Variants in EYA2 observed in about 807,000 individuals in gnomAD.
The protein encoded by EYA2 is EYA transcriptional coactivator and phosphatase 2.
A neutral mutation model predicts 69.2 loss-of-function variants in EYA2; 31 were observed. The ratio of observed to expected loss-of-function variants is 0.45; its 90% confidence interval spans 0.34 to 0.60. The LOEUF (loss-of-function observed/expected upper bound fraction) is 0.60, where lower values mean the gene tolerates loss of function less well. Ranked by LOEUF, EYA2 falls within the 20% of genes least tolerant of loss-of-function variation. EYA2 has a pLI of 0.02. For missense variants in EYA2, 622 were observed against 701.2 expected (o/e 0.89, Z 1.28); for synonymous variants, 257 against 279.4 (o/e 0.92, Z 0.80).
chr20:46,920,121 G>A (rs1219679859), intron 1 of EYA2, among the ~76,000 whole-genome samples: 1 of 151,846 alleles, frequency 6.6e-6, no homozygotes, highest in Non-Finnish European at 1.5e-5. Flanking sequence ...AGATATAATA[G>A]CAATGAAAAA....
chr20:47,088,660 T>C (rs1217714496), intron 7 of EYA2, among the ~76,000 whole-genome samples: 1 of 152,132 alleles, frequency 6.6e-6, no homozygotes, highest in Non-Finnish European at 1.5e-5. Context: ...CTATCATAGC[T>C]CACTGCAACC....
chr20:47,089,194 C>G, intron 7 of EYA2, 45 bp from the exon 8 acceptor site: 1 of 1,601,542 alleles, frequency 6.2e-7, no homozygotes, highest in Non-Finnish European at 8.5e-7. Flanking sequence ...GAGGAGACAC[C>G]CAGCAAAGCT....
intron 5 of EYA2, among the ~76,000 whole-genome samples, chr20:47,059,970 A>G (rs944570688): frequency 6.6e-6 from 1 of 152,184 alleles, no homozygotes; most frequent in Admixed American, 6.5e-5. Flanking sequence ...TCTACACTAC[A>G]AACACAGTTT....
Position 47,074,150 on chromosome 20 carries a change from CT to C in EYA2, c.484-6del. ...ACATATGTCCTTGGTTTGTTTTTCT[CT>C]TCCCAGGACTATCCTTCCTACCCCG... is the stretch of plus-strand genomic sequence containing the variant. On this transcript the variant is annotated splice_polypyrimidine_tract_variant and splice_region_variant and intron_variant, in intron 6 of 15. Transcript: ENST00000327619. 2 of 1,589,270 alleles carry C rather than the reference CT, an allele frequency of 1.3e-6. No individual in the cohort carries two copies. The highest frequency in any genetic ancestry group is 4.6e-5 in the East Asian group (2 of 43,938).
At chr20:47,136,886 C>G (rs1040019426) in intron 9 of EYA2, among the ~76,000 whole-genome samples, 2 of 152,168 alleles carry the variant, frequency 1.3e-5, no homozygotes, top group African/African-American at 4.8e-5. Flanking sequence ...CAGAGCCCAC[C>G]ACACCATCAT....
chr20:47,028,795 G>A (rs1467501111), intron 5 of EYA2, among the ~76,000 whole-genome samples: 4 of 152,220 alleles, frequency 2.6e-5, no homozygotes. Context: ...GATGCCTCAT[G>A]AGCCAGCCCA....
chr20:47,150,898 C>T (rs889861772), intron 10 of EYA2, among the ~76,000 whole-genome samples: 3 of 151,946 alleles, frequency 2.0e-5, no homozygotes, highest in African/African-American at 7.2e-5. Flanking sequence ...GGCAAGGGAG[C>T]CTGGGAAATG....
At chr20:47,057,781 G>A (rs1164185262) in intron 5 of EYA2, among the ~76,000 whole-genome samples, 1 of 151,774 alleles carries the variant, frequency 6.6e-6, no homozygotes, top group Non-Finnish European at 1.5e-5. Flanking sequence ...GTGACCATGA[G>A]TTCACTGTAG....
chr20:46,997,909 TC>T (rs760375049), intron 2 of EYA2: 2 of 152,244 alleles, frequency 1.3e-5, no homozygotes, highest in Non-Finnish European at 2.9e-5. Context: ...CATCATTCTG[TC>T]CCTTGTGCTG....
At position 47,173,531 on chromosome 20, in the gene EYA2, AAC is replaced by A. The variant is rs1208095807; in HGVS notation, c.1198+665_1198+666del. On this transcript the variant is annotated intron_variant, in intron 12 of 15. Coordinates refer to ENST00000327619, the MANE Select transcript of EYA2 (RefSeq NM_005244.5). ...CCGTAAAAAAAAAAAAAAAAAAAAA[AAC>A]GTGCAGGGTCTCAGGCCTCATCCTG... is the stretch of plus-strand genomic sequence containing the variant. Among the ~76,000 whole-genome samples the A allele has an allele frequency of 2.1e-3, 317 of 148,958 alleles. 8 individuals carry two copies. The highest frequency in any genetic ancestry group is 7.0e-3 in the African/African-American group (283 of 40,144).
intron 1 of EYA2, among the ~76,000 whole-genome samples, chr20:46,916,370 G>A (rs1984903540): frequency 6.6e-6 from 1 of 152,070 alleles, no homozygotes; most frequent in South Asian, 2.1e-4. Context: ...GGTGTGCATG[G>A]ACAAGTATGC....
At position 46,904,100 on chromosome 20, in the gene EYA2, G is replaced by A. The variant is rs1448238382; in HGVS notation, c.-11+9113G>A. On this transcript the variant is annotated intron_variant, in intron 1 of 15. Transcript: ENST00000327619. ...ACTCAGACAGATCTGGCCTGAGCCT[G>A]AGTCAGTCCATCACTCACGGACTGC... 5.3e-5 allele frequency among the ~76,000 whole-genome samples: 8 copies of A among 152,290 alleles called. No individual in the cohort carries two copies. In the East Asian group the frequency reaches 1.5e-3, roughly 29 times the overall value.
chr20:47,103,282 C>T (rs2032477338), intron 9 of EYA2, among the ~76,000 whole-genome samples: 1 of 150,976 alleles, frequency 6.6e-6, no homozygotes. Flanking sequence ...CCCCCTGGCC[C>T]CTGACAACCA....
At chr20:47,183,831 G>A (rs1030776663) in intron 15 of EYA2, among the ~76,000 whole-genome samples, 1 of 152,160 alleles carries the variant, frequency 6.6e-6, no homozygotes. Context: ...GGGGGTTCTG[G>A]TGGCCACATC....
intron 9 of EYA2, among the ~76,000 whole-genome samples, chr20:47,115,054 A>G (rs999750848): frequency 1.6e-4 from 25 of 152,356 alleles, no homozygotes; most frequent in African/African-American, 5.3e-4. Context: ...CTTTATAGCA[A>G]TGCAAGAATG....
At chr20:46,971,573 T>C (rs940320611) in intron 1 of EYA2, among the ~76,000 whole-genome samples, 1 of 152,214 alleles carries the variant, frequency 6.6e-6, no homozygotes, top group Non-Finnish European at 1.5e-5. Context: ...AGTGCCCTGC[T>C]AAGAATCAGT....
At chr20:47,041,767 A>G (rs1302929484) in intron 5 of EYA2, among the ~76,000 whole-genome samples, 1 of 152,126 alleles carries the variant, frequency 6.6e-6, no homozygotes, top group African/African-American at 2.4e-5. Flanking sequence ...CAGTCTAGTA[A>G]ATGTTTCCTG....
intron 10 of EYA2, among the ~76,000 whole-genome samples, chr20:47,165,579 G>C (rs912148059): frequency 1.3e-5 from 2 of 152,182 alleles, no homozygotes; most frequent in East Asian, 3.8e-4. Context: ...CCAAACCCAG[G>C]GTGCTGCCCG....
chr20:47,089,449 G>A (rs536255947), intron 8 of EYA2, 68 bp downstream of exon 8: 2 of 1,525,230 alleles, frequency 1.3e-6, no homozygotes, highest in South Asian at 2.5e-5. Flanking sequence ...CAAGAGTGGG[G>A]ACAGAGTTTT....
Sources: allele counts gnomAD v4.1 joint callset (sites outside exome capture counted in the v4.1 genomes callset), GRCh38; gene constraint gnomAD v4.1.1; transcripts MANE v1.5; gene names NCBI Gene and HGNC (gene_info 2026-07-23, HGNC 2026-07-21).